Variants in KHDRBS1 observed in about 807,000 individuals in gnomAD.
KHDRBS1 encodes KH domain-containing, RNA-binding, signal transduction-associated protein 1.
Under a neutral mutation model 48.4 loss-of-function variants are expected in KHDRBS1, and 7 were observed. That is an observed-to-expected ratio of 0.14 (90% CI 0.08 to 0.27). KHDRBS1 has a LOEUF of 0.27. Ranked by LOEUF, KHDRBS1 falls within the 10% of genes least tolerant of loss-of-function variation. The pLI is 1.00. For missense variants in KHDRBS1, 458 were observed against 601.2 expected (o/e 0.76, Z 2.49); for synonymous variants, 241 against 235.8 (o/e 1.02, Z -0.20).
intron 1 of KHDRBS1, among the ~76,000 whole-genome samples, chr1:32,025,931 T>TATATATATATATATATATATA (rs1557892025): frequency 6.9e-5 from 10 of 144,238 alleles, no homozygotes; most frequent in African/African-American, 2.4e-4. Flanking sequence ...ATATATATAT[T>TATATATATATATATATATATA]TATTTATTTA....
At chr1:32,027,550 A>G (rs1190967295) in intron 1 of KHDRBS1, among the ~76,000 whole-genome samples, 1 of 152,238 alleles carries the variant, frequency 6.6e-6, no homozygotes, top group Non-Finnish European at 1.5e-5. Flanking sequence ...GCACTGAAAC[A>G]GGATTGTGAA....
intron 1 of KHDRBS1, among the ~76,000 whole-genome samples, chr1:32,027,029 A>C (rs60437098): frequency 0.025 from 3,783 of 152,280 alleles, 147 homozygotes; most frequent in African/African-American, 0.085. Flanking sequence ...TTTTGACCTC[A>C]GGTGATCCGC....
intron 1 of KHDRBS1, among the ~76,000 whole-genome samples, chr1:32,022,074 TCTC>T (rs1332483414): frequency 2.0e-5 from 3 of 151,764 alleles, no homozygotes; most frequent in Non-Finnish European, 4.4e-5. Context: ...TTCAAGCGAT[TCTC>T]CTCTCTCAGC....
chr1:32,060,705 G>C (rs537698387), exon 11 of KHDRBS1: 56 of 152,280 alleles, frequency 3.7e-4, no homozygotes, highest in Admixed American at 3.5e-3. Context: ...TTTAACATCT[G>C]AACCTGTTTT....
chr1:32,037,013 G>A lies in KHDRBS1; in HGVS notation c.875G>A (p.Gly292Glu). The A allele has an allele frequency of 6.2e-7, 1 of 1,614,072 alleles. No individual in the cohort carries two copies. Among genetic ancestry groups the A allele is most frequent in the Non-Finnish European group, 8.5e-7 (1 of 1,179,980 alleles). Residue 292 changes from glycine (G) to glutamate (E), a missense_variant, in exon 5 of 9, where the codon GGA (glycine) becomes GAA (glutamate). Transcript: ENST00000327300. The stretch of plus-strand genomic sequence containing the variant: ...CGTGGGGTGCCAGTGAGAGGCCGGG[G>A]AGCTGCACCTCCTCCACCACCTGTT... ...RGRGVPVRGR[G>E]AAPPPPPVPR... is the part of the protein sequence containing the mutation.
intron 8 of KHDRBS1, among the ~76,000 whole-genome samples, chr1:32,042,043 C>T (rs776544547): frequency 1.3e-5 from 2 of 152,148 alleles, no homozygotes; most frequent in Non-Finnish European, 2.9e-5. Context: ...CGTAAGGAAA[C>T]GTGACTTGCT....
chr1:32,034,144 G>A lies in KHDRBS1; in HGVS notation c.771+810G>A, dbSNP rs531428366. ...TATTATTAAGTAGAATTGAGTAAGC[G>A]TCATGTGTTCATCAGAAAACTAGGA... On this transcript the variant is annotated intron_variant, in intron 4 of 8. Transcript: ENST00000327300. Among the ~76,000 whole-genome samples the A allele has an allele frequency of 8.5e-5, 13 of 152,312 alleles. 1 individual carries two copies. Among genetic ancestry groups the A allele is most frequent in the African/African-American group, 2.6e-4 (11 of 41,570 alleles).
At chr1:32,030,859 A>G (rs1034220251) in intron 2 of KHDRBS1, among the ~76,000 whole-genome samples, 4 of 151,426 alleles carry the variant, frequency 2.6e-5, no homozygotes, top group African/African-American at 9.7e-5. Flanking sequence ...TTTTTTAGGA[A>G]AGCATTTAGT....
chr1:32,039,711 G>C, intron 8 of KHDRBS1, 138 bp downstream of exon 8: 1 of 652,318 alleles, frequency 1.5e-6, no homozygotes, highest in African/African-American at 1.8e-5. Context: ...AGATGTGACA[G>C]TAAGAGTTCT....
At chr1:32,016,252 C>T (rs1272202321) in intron 1 of KHDRBS1, among the ~76,000 whole-genome samples, 1 of 150,692 alleles carries the variant, frequency 6.6e-6, no homozygotes, top group East Asian at 1.9e-4. Flanking sequence ...TGTTTGAGGT[C>T]TGAGCACTTT....
At chr1:32,019,395 C>T (rs1638810791) in intron 1 of KHDRBS1, among the ~76,000 whole-genome samples, 1 of 151,756 alleles carries the variant, frequency 6.6e-6, no homozygotes, top group Admixed American at 6.6e-5. Context: ...ACTAAAAATA[C>T]AAAAATTAGT....
chr1:32,042,567 C>T lies in KHDRBS1; in HGVS notation c.1275C>T (p.Ala425=). ...DWNGTRPSLK[A]PPARPVKGAY... is the part of the protein sequence containing the mutation. ...ATGGGACCAGGCCGTCGCTGAAGGCCCCTCCTGCTAGGCCAGTGAAGGGAG... is the reference window on the plus strand; with the variant it reads ...ATGGGACCAGGCCGTCGCTGAAGGCTCCTCCTGCTAGGCCAGTGAAGGGAG... Residue 425 remains alanine (A), a synonymous_variant, in exon 9 of 9, where the codon GCC becomes GCT. Coordinates refer to ENST00000327300, the MANE Select transcript of KHDRBS1 (RefSeq NM_006559.3). 1 of 1,613,854 alleles carries T rather than the reference C, an allele frequency of 6.2e-7. No homozygotes were observed. Among genetic ancestry groups the T allele is most frequent in the Non-Finnish European group, 8.5e-7 (1 of 1,179,838 alleles).
chr1:32,016,861 C>T (rs1638750268), intron 1 of KHDRBS1, among the ~76,000 whole-genome samples: 1 of 152,280 alleles, frequency 6.6e-6, no homozygotes, highest in African/African-American at 2.4e-5. Flanking sequence ...CTTTGTTCAC[C>T]GTTGTATCTT....
intron 1 of KHDRBS1, among the ~76,000 whole-genome samples, chr1:32,022,699 G>C (rs1638885195): frequency 6.6e-6 from 1 of 152,058 alleles, no homozygotes; most frequent in South Asian, 2.1e-4. Flanking sequence ...GACCATCCTA[G>C]CTAACACGGT....
At chr1:32,050,481 T>G (rs1639405432) in intron 10 of KHDRBS1, among the ~76,000 whole-genome samples, 1 of 152,052 alleles carries the variant, frequency 6.6e-6, no homozygotes, top group African/African-American at 2.4e-5. Context: ...TCTTTCTCAG[T>G]TTTTTAGTTT....
intron 1 of KHDRBS1, among the ~76,000 whole-genome samples, chr1:32,025,927 A>ATATTTATTTATT (rs577439542): frequency 2.0e-5 from 3 of 146,516 alleles, no homozygotes; most frequent in African/African-American, 7.7e-5. Flanking sequence ...ATATATATAT[A>ATATTTATTTATT]TATTTATTTA....
At chr1:32,041,802 C>G (rs758265001) in intron 8 of KHDRBS1, among the ~76,000 whole-genome samples, 1 of 152,086 alleles carries the variant, frequency 6.6e-6, no homozygotes, top group Non-Finnish European at 1.5e-5. Context: ...GTTGGTCAGG[C>G]TGGTCTCGAA....
chr1:32,042,470 C>G (rs1427711002), intron 8 of KHDRBS1, 57 bp from the exon 9 acceptor site: 5 of 1,152,728 alleles, frequency 4.3e-6, no homozygotes, highest in African/African-American at 1.5e-5. Context: ...CCTATCCCTG[C>G]TTATCCCTAA....
chr1:32,018,689 G>A (rs1174702848), intron 1 of KHDRBS1, among the ~76,000 whole-genome samples: 6 of 151,982 alleles, frequency 3.9e-5, no homozygotes, highest in African/African-American at 9.7e-5. Flanking sequence ...CCCGGGAGGC[G>A]GAGTTTGCAG....
Sources: allele counts gnomAD v4.1 joint callset (sites outside exome capture counted in the v4.1 genomes callset), GRCh38; gene constraint gnomAD v4.1.1; transcripts MANE v1.5; gene names NCBI Gene and HGNC (gene_info 2026-07-23, HGNC 2026-07-21).